Variants in DNAJC14 observed in about 807,000 individuals in gnomAD.
DNAJC14 encodes dnaJ homolog subfamily C member 14.
Under a neutral mutation model 68.8 loss-of-function variants are expected in DNAJC14, and 12 were observed. That is an observed-to-expected ratio of 0.17 (90% CI 0.11 to 0.28). The LOEUF (loss-of-function observed/expected upper bound fraction) is 0.28. Ranked by LOEUF, DNAJC14 falls within the 10% of genes least tolerant of loss-of-function variation. DNAJC14 has a pLI of 1.00. For synonymous variants in DNAJC14, 350 were observed against 321.5 expected (o/e 1.09, Z -0.95); for missense variants, 764 against 875.6 (o/e 0.87, Z 1.61).
At position 55,827,297 on chromosome 12, in the gene DNAJC14, T is replaced by C; in HGVS notation, c.1362A>G (p.Ala454=). 6.3e-7 allele frequency: 1 copy of C among 1,582,862 alleles called. No homozygotes were observed. The highest frequency in any genetic ancestry group is 2.2e-5 in the East Asian group (1 of 44,502). The change falls in exon 2 of 7, where the codon GCA becomes GCG. Residue 454 remains alanine, a synonymous_variant. Coordinates refer to ENST00000678005, the MANE Select transcript of DNAJC14 (RefSeq NM_032364.6). ...PFHVLGVEAT[A]SDVELKKAYR... is the part of the protein sequence containing the mutation. ...AGGCCTTCTTCAGTTCAACATCTGATGCTGTGGCCTCAACCCCCAGTACAT... is the reference window on the plus strand; with the variant it reads ...AGGCCTTCTTCAGTTCAACATCTGACGCTGTGGCCTCAACCCCCAGTACAT...
In DNAJC14 at chr12:55,827,715, C is replaced by T; in HGVS notation, c.944G>A (p.Cys315Tyr). The part of the protein sequence containing the change: ...MFQFLSQGFY[C>Y]GVGLFTRFLK... ...AAAACGAGTAAACAGTCCTACTCCACAGTAAAACCCCTGGCTTAGAAACTG... is the reference window on the plus strand; with the variant it reads ...AAAACGAGTAAACAGTCCTACTCCATAGTAAAACCCCTGGCTTAGAAACTG... The change falls in exon 2 of 7, where the codon TGT becomes TAT. Residue 315 changes from cysteine (C) to tyrosine (Y), a missense_variant. By Grantham distance (194) the Cys-to-Tyr change is radical (BLOSUM62 -2). Coordinates refer to ENST00000678005, the MANE Select transcript of DNAJC14 (RefSeq NM_032364.6). 3 of 1,614,192 alleles carry T rather than the reference C, an allele frequency of 1.9e-6. No individual in the cohort carries two copies. Among genetic ancestry groups the T allele is most frequent in the Non-Finnish European group, 2.5e-6 (3 of 1,180,036 alleles).
At chr12:55,823,788 T>C (rs533421446) in intron 2 of DNAJC14, among the ~76,000 whole-genome samples, 40 of 142,724 alleles carry the variant, frequency 2.8e-4, no homozygotes, top group African/African-American at 8.8e-4. Flanking sequence ...CACTGTAACC[T>C]CCACCTCCCA....
chr12:55,822,043 G>A lies in DNAJC14; in HGVS notation c.2043C>T (p.Ser681=), dbSNP rs756173266. 1.4e-5 allele frequency: 22 copies of A among 1,614,126 alleles called. No homozygotes were observed. The highest frequency in any genetic ancestry group is 1.7e-5 in the Non-Finnish European group (20 of 1,180,014). Residue 681 remains serine (S), a synonymous_variant, in exon 7 of 7, where the codon AGC becomes AGT. Transcript: ENST00000678005. ...GTTTGGCTTCTCCCTTGGGTACTGT[G>A]CTGTTGGGCTTAGAGGCTGCAGCGG... ...PGAAAASKPN[S]TVPKGEAKPK...
Position 55,822,394 on chromosome 12 carries a change from G to A in DNAJC14, c.1877C>T (p.Pro626Leu). 7.4e-6 allele frequency: 12 copies of A among 1,612,960 alleles called. No homozygotes were observed. The highest frequency in any genetic ancestry group is 9.3e-6 in the Non-Finnish European group (11 of 1,180,008). The change falls in exon 6 of 7, where the codon CCA becomes CTA. Residue 626 changes from proline to leucine, a missense_variant. Transcript: ENST00000678005. ...CTACCTCTGCCGCCCTCTGGTGCCT[G>A]GAATCCGAGAACCAAATGAGATGTG... is the stretch of plus-strand genomic sequence containing the variant. ...PYHISFGSRIPGTRGRQRATP... is the reference protein window; with the variant it reads ...PYHISFGSRILGTRGRQRATP...
Position 55,829,580 on chromosome 12 carries a change from C to A in DNAJC14, c.-148G>T. ...CGCTCTCCCGGCTCCGCCTCCCGCTCACGCTCTGCTTCCGCCTTCCGTCCC... is the reference window on the plus strand; with the variant it reads ...CGCTCTCCCGGCTCCGCCTCCCGCTAACGCTCTGCTTCCGCCTTCCGTCCC... On this transcript the variant is annotated 5_prime_UTR_variant, in exon 1 of 7. Transcript: ENST00000678005. 1.0e-6 allele frequency: 1 copy of A among 985,520 alleles called. No homozygotes were observed. The highest frequency in any genetic ancestry group is 1.2e-6 in the Non-Finnish European group (1 of 829,962). The allele number at this position is 985,520 out of a possible 1,614,324, so 61.0% of individuals were successfully genotyped here.
intron 2 of DNAJC14, 105 bp from the exon 3 acceptor site, chr12:55,823,613 C>A: frequency 2.1e-6 from 2 of 946,588 alleles, no homozygotes; most frequent in South Asian, 2.9e-5. Context: ...TTTGAAGAGT[C>A]AGTGTAGCTT....
Position 55,827,359 on chromosome 12 carries a change from T to A in DNAJC14, c.1300A>T (p.Met434Leu), listed in dbSNP as rs747658774. ...PEEEVARLLT[M>L]AGVPEDELNP... ...AGCTCATCCTCAGGAACCCCAGCCA[T>A]GGTCAAGAGTCGAGCCACTTCCTCT... The change falls in exon 2 of 7, where the codon ATG (methionine) becomes TTG (leucine). Residue 434 changes from methionine (M) to leucine (L), a missense_variant. Coordinates refer to ENST00000678005, the MANE Select transcript of DNAJC14 (RefSeq NM_032364.6). 4 of 1,613,516 alleles carry A rather than the reference T, an allele frequency of 2.5e-6. No homozygotes were observed. The Admixed American group carries it at 6.7e-5, about 27-fold the overall frequency.
chr12:55,823,594 C>T (rs556657969), intron 2 of DNAJC14, 86 bp from the exon 3 acceptor site: 2 of 1,172,646 alleles, frequency 1.7e-6, no homozygotes, highest in South Asian at 2.5e-5. Context: ...GGTTCTCTTT[C>T]ATCACCCTTT....
rs1880674392 is a variant in DNAJC14 at position 55,821,856 on chromosome 12, AAAAAAT to A, written c.*115_*120del. 6.7e-6 allele frequency: 8 copies of A among 1,187,462 alleles called. No individual in the cohort carries two copies. The highest frequency in any genetic ancestry group is 9.4e-6 in the Non-Finnish European group (8 of 855,568). 73.6% of individuals were successfully genotyped at this position (1,187,462 alleles called of 1,614,324 possible). A position where few individuals can be genotyped will look rare whatever the true frequency, so the allele number is the denominator to read the frequency against. ...GGGCAACAGAGCAAGACTCCATCTC[AAAAAAT>A]AAAAAGAAAAAGATTCAGTTCCTAG... On this transcript the variant is annotated 3_prime_UTR_variant, in exon 7 of 7. Transcript: ENST00000678005.
chr12:55,821,602 C>T lies in DNAJC14; in HGVS notation c.*375G>A. The T allele has an allele frequency of 6.3e-6, 1 of 158,254 alleles. No individual in the cohort carries two copies. The highest frequency in any genetic ancestry group is 1.4e-5 in the Non-Finnish European group (1 of 71,830). 9.8% of individuals were successfully genotyped at this position (158,254 alleles called of 1,614,324 possible). A position where few individuals can be genotyped will look rare whatever the true frequency, so the allele number is the denominator to read the frequency against. ...AGTGGCTTATGCCTGTAATCCAGCA[C>T]TTTGGGAGGCCAAGACGGGTGGATC... On this transcript the variant is annotated 3_prime_UTR_variant, in exon 7 of 7. Coordinates refer to ENST00000678005, the MANE Select transcript of DNAJC14 (RefSeq NM_032364.6).
At chr12:55,830,508 G>C (rs992694170), upstream of DNAJC14, 4 of 152,048 alleles carry the variant, frequency 2.6e-5, no homozygotes, top group Admixed American at 6.6e-5. Flanking sequence ...CCCTTCCCTG[G>C]TCCACGATCC....
At position 55,822,562 on chromosome 12, in the gene DNAJC14, CAG is replaced by C. The variant is rs554043997; in HGVS notation, c.1795+8_1795+9del. Reference sequence around the variant, plus strand: ...AGTATGAGCCTGTATTTCTAGAGGACAGAGAGTACCTGTGATGTCATACACCT... The same window carrying C: ...AGTATGAGCCTGTATTTCTAGAGGACAGAGTACCTGTGATGTCATACACCT... On this transcript the variant is annotated splice_region_variant and intron_variant, in intron 5 of 6. Transcript: ENST00000678005. The C allele has an allele frequency of 1.8e-4, 298 of 1,614,134 alleles. 2 individuals carry two copies. The South Asian group carries it at 3.0e-3, about 16-fold the overall frequency.
intron 1 of DNAJC14, chr12:55,829,175 C>T (rs1474988560): frequency 1.0e-6 from 1 of 985,752 alleles, no homozygotes; most frequent in African/African-American, 1.7e-5. Flanking sequence ...GGCCGGGCAC[C>T]GTGGCTCACG....
At position 55,828,351 on chromosome 12, in the gene DNAJC14, A is replaced by G; in HGVS notation, c.308T>C (p.Val103Ala). 1 of 1,612,114 alleles carries G rather than the reference A, an allele frequency of 6.2e-7. No individual in the cohort carries two copies. Among genetic ancestry groups the G allele is most frequent in the South Asian group, 1.1e-5 (1 of 91,010 alleles). The change falls in exon 2 of 7, where the codon GTG (valine) becomes GCG (alanine). Residue 103 changes from valine (V) to alanine (A), a missense_variant. By Grantham distance (64) the Val-to-Ala change is moderately conservative (BLOSUM62 0). Transcript: ENST00000678005. ...SETSSEEESG[V>A]DQELSKENET... ...GTTTTCTTTTGAGAGTTCCTGGTCCACTCCTGATTCTTCTTCTGAAGACGT... is the reference window on the plus strand; with the variant it reads ...GTTTTCTTTTGAGAGTTCCTGGTCCGCTCCTGATTCTTCTTCTGAAGACGT...
upstream of DNAJC14, chr12:55,829,753 G>GC (rs754873376): frequency 1.6e-5 from 5 of 315,542 alleles, no homozygotes; most frequent in East Asian, 1.7e-4. Context: ...GGAAGTACTG[G>GC]CCCCGCCATT....
At position 55,822,455 on chromosome 12, in the gene DNAJC14, C is replaced by A; in HGVS notation, c.1816G>T (p.Val606Leu). ...DITEWAGCQR[V>L]GISPDTHRVP... ...CTGTGGGTATCTGGGGAGATACCTACACGCTGGCATCCAGCCCACTCTATA... is the reference window on the plus strand; with the variant it reads ...CTGTGGGTATCTGGGGAGATACCTAAACGCTGGCATCCAGCCCACTCTATA... Residue 606 changes from valine to leucine, a missense_variant, in exon 6 of 7, where the codon GTA (valine) becomes TTA (leucine). Physicochemically the swap from Val to Leu is conservative, Grantham distance 32 (BLOSUM62 1). Transcript: ENST00000678005. 6.2e-7 allele frequency: 1 copy of A among 1,614,012 alleles called. No individual in the cohort carries two copies. The highest frequency in any genetic ancestry group is 8.5e-7 in the Non-Finnish European group (1 of 1,180,030).
chr12:55,826,828 C>T (rs1880808324), intron 2 of DNAJC14, among the ~76,000 whole-genome samples: 4 of 150,698 alleles, frequency 2.7e-5, no homozygotes, highest in African/African-American at 7.3e-5. Flanking sequence ...GAACGTTAAC[C>T]TTCACCTACC....
rs1034842918 is a variant in DNAJC14, at chr12:55,828,140, A to G, written c.519T>C (p.Asp173=). ...CACTGGGGAACTTGAGAGATTCTTC[A>G]TCATCATATTCCTCTTCCAACTCAT... The part of the protein sequence containing the change: ...GEDELEEEYD[D]EESLKFPSDF... The change falls in exon 2 of 7, where the codon GAT becomes GAC. Residue 173 remains aspartate, a synonymous_variant. Transcript: ENST00000678005. The G allele has an allele frequency of 2.5e-6, 4 of 1,609,580 alleles. No individual in the cohort carries two copies. Among genetic ancestry groups the G allele is most frequent in the African/African-American group, 1.3e-5 (1 of 74,638 alleles).
At position 55,827,106 on chromosome 12, in the gene DNAJC14, G is replaced by A. The variant is rs191016466; in HGVS notation, c.1407+146C>T. ...CTCAGGAGGCTGAGGCAGGAGAATC[G>A]CTTGAACCCAGGAGGCGGAGGTTGT... On this transcript the variant is annotated intron_variant, in intron 2 of 6. Transcript: ENST00000678005. 593 of 773,822 alleles carry A rather than the reference G, an allele frequency of 7.7e-4. 10 individuals carry two copies. The Admixed American group carries it at 0.011, about 14-fold the overall frequency. The allele number at this position is 773,822 out of a possible 1,614,324, so 47.9% of individuals were successfully genotyped here.
Sources: allele counts gnomAD v4.1 joint callset (sites outside exome capture counted in the v4.1 genomes callset), GRCh38; gene constraint gnomAD v4.1.1; transcripts MANE v1.5; gene names NCBI Gene and HGNC (gene_info 2026-07-23, HGNC 2026-07-21).